RBKS: variants seen among roughly 807,000 people sequenced by gnomAD.
RBKS encodes ribokinase.
In RBKS, 33 loss-of-function variants were observed where a neutral mutation model predicts 33.9. The ratio of observed to expected loss-of-function variants is 0.97; its 90% CI spans 0.74 to 1.30. The LOEUF (loss-of-function observed/expected upper bound fraction) is 1.30, where lower values mean the gene tolerates loss of function less well. Ranked by LOEUF, RBKS falls within the 50% of genes most tolerant of loss-of-function variation. RBKS has a pLI of 0.00. For missense variants in RBKS, 361 were observed against 392.6 expected (o/e 0.92, Z 0.68); for synonymous variants, 125 against 143.0 (o/e 0.87, Z 0.90).
At chr2:27,865,382 A>G (rs1457730020) in intron 1 of RBKS, among the ~76,000 whole-genome samples, 1 of 152,172 alleles carries the variant, frequency 6.6e-6, no homozygotes, top group Non-Finnish European at 1.5e-5. Context: ...TTTGCTCAGA[A>G]AGTCCTGATC....
At chr2:27,855,228 A>T (rs1467334456) in intron 2 of RBKS, among the ~76,000 whole-genome samples, 1 of 152,260 alleles carries the variant, frequency 6.6e-6, no homozygotes, top group Non-Finnish European at 1.5e-5. Context: ...AGCTACCTGT[A>T]TTAGAGAGTT....
chr2:27,786,759 C>T (rs1315884261), intron 7 of RBKS, among the ~76,000 whole-genome samples: 19 of 143,182 alleles, frequency 1.3e-4, no homozygotes, highest in African/African-American at 3.7e-4. Flanking sequence ...CTCGCCTGGG[C>T]GACAGAGTGA....
intron 7 of RBKS, among the ~76,000 whole-genome samples, chr2:27,807,388 TTC>T (rs1261899113): frequency 7.9e-5 from 12 of 152,314 alleles, no homozygotes; most frequent in African/African-American, 2.9e-4. Flanking sequence ...GGTCTTTTTT[TTC>T]TTTTTTTGAG....
At chr2:27,859,143 C>T (rs1479036449) in intron 1 of RBKS, among the ~76,000 whole-genome samples, 1 of 152,088 alleles carries the variant, frequency 6.6e-6, no homozygotes, top group East Asian at 1.9e-4. Flanking sequence ...AGGTTTTAGT[C>T]TTAGTCCATC....
At chr2:27,863,574 G>A (rs1002014347) in intron 1 of RBKS, among the ~76,000 whole-genome samples, 1 of 152,208 alleles carries the variant, frequency 6.6e-6, no homozygotes, top group African/African-American at 2.4e-5. Flanking sequence ...GAATGACCCG[G>A]TAATAGGGGG....
intron 2 of RBKS, among the ~76,000 whole-genome samples, chr2:27,856,660 A>C (rs1440142464): frequency 6.6e-6 from 1 of 152,154 alleles, no homozygotes; most frequent in South Asian, 2.1e-4. Context: ...GGGTTCTCTA[A>C]TCTCTCCTTT....
intron 7 of RBKS, among the ~76,000 whole-genome samples, chr2:27,794,035 C>T (rs1219337903): frequency 1.3e-5 from 2 of 152,004 alleles, no homozygotes; most frequent in African/African-American, 2.4e-5. Flanking sequence ...CGCGGTGGCT[C>T]ATGCCTGTAA....
At chr2:27,855,423 T>C (rs1307899599) in intron 2 of RBKS, among the ~76,000 whole-genome samples, 1 of 152,170 alleles carries the variant, frequency 6.6e-6, no homozygotes, top group African/African-American at 2.4e-5. Flanking sequence ...GCATCTTGAG[T>C]TCCTTACTTG....
chr2:27,849,554 T>C (rs1351693902), intron 2 of RBKS, among the ~76,000 whole-genome samples: 1 of 77,006 alleles, frequency 1.3e-5, no homozygotes, highest in Non-Finnish European at 2.3e-5. Context: ...AGCAAGACTC[T>C]GTCTCAAAAA....
At chr2:27,840,363 C>T (rs1305485567) in intron 5 of RBKS, among the ~76,000 whole-genome samples, 66 of 132,982 alleles carry the variant, frequency 5.0e-4, no homozygotes, top group Non-Finnish European at 8.2e-4. Context: ...CACGCGCGCG[C>T]GCACACACAC....
chr2:27,786,648 G>A (rs1256109523), intron 7 of RBKS, among the ~76,000 whole-genome samples: 1 of 152,148 alleles, frequency 6.6e-6, no homozygotes, highest in Non-Finnish European at 1.5e-5. Context: ...CGGGCGTGGT[G>A]GTGGGTGCCT....
chr2:27,825,099 T>C (rs1678284991), intron 7 of RBKS, among the ~76,000 whole-genome samples: 1 of 151,612 alleles, frequency 6.6e-6, no homozygotes, highest in Non-Finnish European at 1.5e-5. Context: ...ATGGAGCCAC[T>C]GCACTCCAGC....
intron 1 of RBKS, among the ~76,000 whole-genome samples, chr2:27,864,144 G>A (rs1664042055): frequency 6.6e-6 from 1 of 151,598 alleles, no homozygotes. Flanking sequence ...CTCCTGCCTT[G>A]GCCTTCTGAT....
chr2:27,866,973 G>A (rs920603709), intron 1 of RBKS, among the ~76,000 whole-genome samples: 5 of 151,932 alleles, frequency 3.3e-5, no homozygotes, highest in Admixed American at 6.6e-5. Flanking sequence ...GTATGGTGGC[G>A]TGCACCTGTG....
chr2:27,803,088 C>T (rs1677831678), intron 7 of RBKS, among the ~76,000 whole-genome samples: 1 of 152,138 alleles, frequency 6.6e-6, no homozygotes, highest in Admixed American at 6.5e-5. Context: ...CCTTGGCCTC[C>T]CAGAGTGTTG....
At chr2:27,861,470 C>G (rs1663982588) in intron 1 of RBKS, 1 of 470,876 alleles carries the variant, frequency 2.1e-6, no homozygotes, top group Non-Finnish European at 4.4e-6. Context: ...CAAGCAAGAA[C>G]TGTAACTAGA....
chr2:27,789,919 GTGTGTGTA>G (rs1677479235), intron 7 of RBKS, among the ~76,000 whole-genome samples: 2 of 126,854 alleles, frequency 1.6e-5, no homozygotes, highest in Admixed American at 8.8e-5. Context: ...GTGTGTGTTT[GTGTGTGTA>G]TATATATATA....
chr2:27,781,523 G>T lies in RBKS; in HGVS notation c.*92C>A. On this transcript the variant is annotated 3_prime_UTR_variant, in exon 8 of 8. Coordinates refer to ENST00000302188, the MANE Select transcript of RBKS (RefSeq NM_022128.3). Reference sequence around the variant, plus strand: ...AGAACTAATATTTGCAAAGAAAGGGGACGAGGACATTTTCTAATAAGCATT... The same window carrying T: ...AGAACTAATATTTGCAAAGAAAGGGTACGAGGACATTTTCTAATAAGCATT... The T allele has an allele frequency of 3.1e-6, 3 of 981,074 alleles. No individual in the cohort carries two copies. Among genetic ancestry groups the T allele is most frequent in the African/African-American group, 1.7e-5 (1 of 60,204 alleles). 60.8% of individuals were successfully genotyped at this position (981,074 alleles called of 1,614,324 possible). A position where few individuals can be genotyped will look rare whatever the true frequency, so the allele number is the denominator to read the frequency against.
chr2:27,860,975 C>T (rs973980467), intron 1 of RBKS, among the ~76,000 whole-genome samples: 2 of 149,590 alleles, frequency 1.3e-5, no homozygotes, highest in African/African-American at 5.0e-5. Context: ...CTCTTTCTCT[C>T]TTTTTTTTTT....
Sources: allele counts gnomAD v4.1 joint callset (sites outside exome capture counted in the v4.1 genomes callset), GRCh38; gene constraint gnomAD v4.1.1; transcripts MANE v1.5; gene names NCBI Gene and HGNC (gene_info 2026-07-23, HGNC 2026-07-21).